HOATZ: variants seen among roughly 807,000 people sequenced by gnomAD.
HOATZ encodes HOATZ cilia and flagella associated protein, also known as cilia- and flagella-associated protein HOATZ.
In HOATZ, 26 loss-of-function variants were observed where a neutral mutation model predicts 24.9. That is an observed-to-expected ratio of 1.04 (90% CI 0.76 to 1.45). The LOEUF (loss-of-function observed/expected upper bound fraction) is 1.45. Ranked by LOEUF, HOATZ falls within the 40% of genes most tolerant of loss-of-function variation. The pLI, the probability that HOATZ is intolerant of heterozygous loss-of-function variation, is 0.00. For missense variants in HOATZ, 226 were observed against 201.5 expected, an observed-to-expected ratio of 1.12 and a Z score of -0.74; for synonymous variants, 83 against 76.6, an observed-to-expected ratio of 1.08 and a Z score of -0.43.
intron 3 of HOATZ, among the ~76,000 whole-genome samples, chr11:111,520,662 G>C (rs1867258667): frequency 6.6e-6 from 1 of 152,142 alleles, no homozygotes; most frequent in Non-Finnish European, 1.5e-5. Flanking sequence ...AGTCAACCAT[G>C]ATTCAAAAAT....
intron 3 of HOATZ, among the ~76,000 whole-genome samples, chr11:111,528,272 G>A (rs948810483): frequency 1.3e-5 from 2 of 152,210 alleles, no homozygotes; most frequent in Non-Finnish European, 2.9e-5. Context: ...GGCAGGAGGT[G>A]GAGGTGGCAG....
intron 1 of HOATZ, among the ~76,000 whole-genome samples, 166 bp from the exon 2 acceptor site, chr11:111,515,345 T>C (rs1321204302): frequency 1.3e-5 from 2 of 152,196 alleles, no homozygotes; most frequent in Non-Finnish European, 2.9e-5. Flanking sequence ...TGGAGAAAGA[T>C]GAAGGTGGAG....
intron 3 of HOATZ, among the ~76,000 whole-genome samples, chr11:111,521,700 C>T (rs969728168): frequency 1.3e-5 from 2 of 152,190 alleles, no homozygotes; most frequent in African/African-American, 2.4e-5. Context: ...GTCATAAAAA[C>T]AGACTGTGCA....
rs138554311 is a variant in HOATZ at position 111,530,869 on chromosome 11, C to A, written c.340-2877C>A. 1.2e-4 allele frequency among the ~76,000 whole-genome samples: 19 copies of A among 152,184 alleles called. 1 individual carries two copies. The highest frequency in any genetic ancestry group is 4.6e-4 in the African/African-American group (19 of 41,536). ...CCACAATGTTTTTGTTTAGATGACA[C>A]AATTGTTTACACTAGTTTTGTTATT... is the stretch of plus-strand genomic sequence containing the variant. On this transcript the variant is annotated intron_variant, in intron 3 of 5. Transcript: ENST00000375618.
rs553110231 is a variant in HOATZ at position 111,520,169 on chromosome 11, A to G, written c.339+4059A>G. The stretch of plus-strand genomic sequence containing the variant: ...TTGAGAGTCCTAAAGTAGTCTGAAA[A>G]TATTATAATAAGTGGATAGTCAGCT... On this transcript the variant is annotated intron_variant, in intron 3 of 5. Transcript: ENST00000375618. Among the ~76,000 whole-genome samples, 25 of 151,952 alleles carry G rather than the reference A, an allele frequency of 1.6e-4. No individual in the cohort carries two copies. The South Asian group carries it at 4.4e-3, about 26-fold the overall frequency.
intron 2 of HOATZ, 114 bp downstream of exon 2, chr11:111,515,666 C>G (rs1867185794): frequency 1.1e-6 from 1 of 876,702 alleles, no homozygotes; most frequent in African/African-American, 1.7e-5. Context: ...GAATTGAACA[C>G]CTAAGTCCCT....
At chr11:111,528,377 A>G (rs1256252541) in intron 3 of HOATZ, among the ~76,000 whole-genome samples, 1 of 152,196 alleles carries the variant, frequency 6.6e-6, no homozygotes, top group Non-Finnish European at 1.5e-5. Context: ...TCAAGGAAAT[A>G]AAAATCAGAT....
Position 111,536,787 on chromosome 11 carries a change from C to A in HOATZ, c.470C>A (p.Ser157Ter). ...EHKAKKVVSE[S>*]DKEDQEEVKT... Reference sequence around the variant, plus strand: ...ACCAACAGGAAAGTGGTATCAGAGTCAGATAAAGAGGACCAAGAAGAAGTC... The same window carrying A: ...ACCAACAGGAAAGTGGTATCAGAGTAAGATAAAGAGGACCAAGAAGAAGTC... Residue 157 changes from serine to a stop codon, truncating the protein, a stop_gained, in exon 6 of 6, where the codon TCA (serine) becomes TAA (stop). Coordinates refer to ENST00000375618, the MANE Select transcript of HOATZ (RefSeq NM_001100388.2). LOFTEE classifies it high-confidence loss of function. 2 of 1,613,486 alleles carry A rather than the reference C, an allele frequency of 1.2e-6. No individual in the cohort carries two copies. The highest frequency in any genetic ancestry group is 2.2e-5 in the South Asian group (2 of 91,038).
chr11:111,536,568 T>A lies in HOATZ; in HGVS notation c.453-202T>A, dbSNP rs542225466. The A allele has an allele frequency of 6.4e-6, 3 of 472,154 alleles. No homozygotes were observed. The South Asian group carries it at 1.1e-4, about 18-fold the overall frequency. 29.2% of individuals were successfully genotyped at this position (472,154 alleles called of 1,614,324 possible). On this transcript the variant is annotated intron_variant, in intron 5 of 5. Coordinates refer to ENST00000375618, the MANE Select transcript of HOATZ (RefSeq NM_001100388.2). ...CAAAACATATTTGGGGTAGGAGGGC[T>A]CCTGTACCTCCAAACCACACTTCAC...
intron 3 of HOATZ, among the ~76,000 whole-genome samples, chr11:111,523,358 C>T (rs896171359): frequency 6.6e-6 from 1 of 151,994 alleles, no homozygotes; most frequent in Non-Finnish European, 1.5e-5. Context: ...AGTGCTATTA[C>T]CATGAGTTTC....
At position 111,530,612 on chromosome 11, in the gene HOATZ, TATAAAG is replaced by T. The variant is rs1281092300; in HGVS notation, c.340-3128_340-3123del. ...GTCACTAGTCAATGGTCAAAGATGTTATAAAGATAAATTCTGACCCCCTTGTATTAA... is the reference window on the plus strand; with the variant it reads ...GTCACTAGTCAATGGTCAAAGATGTTATAAATTCTGACCCCCTTGTATTAA... On this transcript the variant is annotated intron_variant, in intron 3 of 5. Transcript: ENST00000375618. 3.3e-5 allele frequency among the ~76,000 whole-genome samples: 5 copies of T among 152,328 alleles called. No homozygotes were observed. In the East Asian group the frequency reaches 5.8e-4, roughly 18 times the overall value.
intron 3 of HOATZ, among the ~76,000 whole-genome samples, chr11:111,531,619 T>C (rs1041666985): frequency 1.3e-5 from 2 of 152,254 alleles, no homozygotes; most frequent in Non-Finnish European, 2.9e-5. Context: ...TGACAGATAT[T>C]GTGAAACAGT....
At chr11:111,523,628 C>T (rs2135777175) in intron 3 of HOATZ, among the ~76,000 whole-genome samples, 1 of 152,312 alleles carries the variant, frequency 6.6e-6, no homozygotes, top group Non-Finnish European at 1.5e-5. Flanking sequence ...CTGCCTTCTG[C>T]CATACCTCCC....
chr11:111,523,864 C>T (rs1364798476), intron 3 of HOATZ, among the ~76,000 whole-genome samples: 1 of 152,228 alleles, frequency 6.6e-6, no homozygotes. Flanking sequence ...CACATATCTC[C>T]TAGTCTGATA....
intron 3 of HOATZ, among the ~76,000 whole-genome samples, chr11:111,522,296 A>C (rs1194046700): frequency 6.6e-6 from 1 of 152,198 alleles, no homozygotes; most frequent in African/African-American, 2.4e-5. Context: ...CAGAACTATC[A>C]ATTTGGTTCC....
At chr11:111,515,200 T>A (rs930042850) in intron 1 of HOATZ, 190 bp downstream of exon 1, 5 of 606,310 alleles carry the variant, frequency 8.2e-6, no homozygotes, top group Non-Finnish European at 1.5e-5. Flanking sequence ...GTGGTATATA[T>A]GTTACATCTA....
chr11:111,533,872 G>A (rs1867420539), intron 4 of HOATZ, 67 bp downstream of exon 4: 2 of 1,188,790 alleles, frequency 1.7e-6, no homozygotes, highest in South Asian at 3.3e-5. Context: ...ATTTTGCAGA[G>A]GTTTTATAGA....
At chr11:111,534,271 C>T (rs1011574044) in intron 4 of HOATZ, 141 bp from the exon 5 acceptor site, 5 of 638,740 alleles carry the variant, frequency 7.8e-6, no homozygotes, top group Non-Finnish European at 1.4e-5. Context: ...TTCTGACCGA[C>T]CCCACAGTTT....
chr11:111,534,389 A>T (rs1375945499), intron 4 of HOATZ, 23 bp from the exon 5 acceptor site: 2 of 1,585,958 alleles, frequency 1.3e-6, no homozygotes, highest in Admixed American at 3.4e-5. Context: ...TACCTTTTTG[A>T]TTTTTATTTT....
Sources: gnomAD v4.1 joint callset for allele counts (sites outside exome capture counted in the v4.1 genomes callset) on GRCh38, gnomAD v4.1.1 for gene constraint, MANE v1.5 for transcripts, NCBI Gene and HGNC (gene_info 2026-07-23, HGNC 2026-07-21) for gene names.